The following NINL variants were observed in gnomAD, a reference collection of about 807,000 sequenced individuals.
NINL encodes ninein-like protein.
A neutral mutation model predicts 160.3 loss-of-function variants in NINL; 153 were observed. The observed-to-expected ratio is 0.95, with a 90% CI of 0.84 to 1.09. The LOEUF is 1.09. NINL is among the 50% of genes least tolerant of loss of function. The probability of loss-of-function intolerance (pLI) is 0.00; values close to 1 mark genes in which losing one functional copy is unlikely to be tolerated. For missense variants in NINL, 1,829 were observed against 1,764.0 expected, an observed-to-expected ratio of 1.04 and a Z score of -0.66; for synonymous variants, 800 against 734.8, an observed-to-expected ratio of 1.09 and a Z score of -1.43.
chr20:25,549,316 C>A (rs1389363289), intron 1 of NINL, among the ~76,000 whole-genome samples: 1 of 151,002 alleles, frequency 6.6e-6, no homozygotes, highest in Non-Finnish European at 1.5e-5. Context: ...CTGACCCCAG[C>A]ACACATGGCC....
intron 7 of NINL, among the ~76,000 whole-genome samples, 197 bp downstream of exon 7, chr20:25,503,755 C>T (rs1601169290): frequency 6.6e-6 from 1 of 152,238 alleles, no homozygotes; most frequent in East Asian, 1.9e-4. Flanking sequence ...AAGAGCAACA[C>T]TGGACCCACC....
At chr20:25,521,361 T>C (rs367970409) in intron 2 of NINL, among the ~76,000 whole-genome samples, 1 of 152,246 alleles carries the variant, frequency 6.6e-6, no homozygotes, top group Non-Finnish European at 1.5e-5. Context: ...ATCTCTAATA[T>C]AGTAACCATA....
intron 1 of NINL, among the ~76,000 whole-genome samples, chr20:25,543,241 C>A (rs1318530263): frequency 2.0e-5 from 3 of 151,848 alleles, no homozygotes; most frequent in Non-Finnish European, 4.4e-5. Context: ...TTGCAGGATA[C>A]AAAATCAGCA....
chr20:25,569,654 G>A (rs2065032641), intron 1 of NINL, among the ~76,000 whole-genome samples: 2 of 152,220 alleles, frequency 1.3e-5, no homozygotes, highest in East Asian at 1.9e-4. Context: ...TGTTCTGAGC[G>A]ACACCTGAGA....
intron 14 of NINL, 23 bp from the exon 15 acceptor site, chr20:25,480,290 G>A (rs747394351): frequency 6.9e-5 from 110 of 1,599,378 alleles, no homozygotes; most frequent in Admixed American, 3.5e-4. Flanking sequence ...GGCCACTTCC[G>A]TTTGTCACAC....
intron 21 of NINL, among the ~76,000 whole-genome samples, chr20:25,459,509 T>C (rs1240461746): frequency 6.6e-6 from 1 of 152,070 alleles, no homozygotes; most frequent in Non-Finnish European, 1.5e-5. Flanking sequence ...CTAAATAGCA[T>C]CTCCACCAAA....
chr20:25,538,124 G>T (rs2064593098), intron 1 of NINL, among the ~76,000 whole-genome samples: 1 of 152,182 alleles, frequency 6.6e-6, no homozygotes, highest in Non-Finnish European at 1.5e-5. Context: ...AACGCCACTG[G>T]AAGATGAACA....
intron 1 of NINL, among the ~76,000 whole-genome samples, chr20:25,576,292 C>G (rs997225000): frequency 6.6e-6 from 1 of 152,142 alleles, no homozygotes; most frequent in Non-Finnish European, 1.5e-5. Flanking sequence ...CAATTAGATT[C>G]AAGGGTGGCA....
chr20:25,559,207 A>G (rs1386041936), intron 1 of NINL, among the ~76,000 whole-genome samples: 2 of 152,134 alleles, frequency 1.3e-5, no homozygotes, highest in Non-Finnish European at 2.9e-5. Context: ...GGCTTGGGAT[A>G]AGGCAGTGTG....
At chr20:25,525,532 T>C (rs1382515602) in intron 2 of NINL, among the ~76,000 whole-genome samples, 1 of 152,172 alleles carries the variant, frequency 6.6e-6, no homozygotes, top group Admixed American at 6.5e-5. Context: ...TGCAGGCCTG[T>C]AGTCCCAGCT....
intron 10 of NINL, among the ~76,000 whole-genome samples, chr20:25,492,145 C>G (rs2146698619): frequency 6.6e-6 from 1 of 152,294 alleles, no homozygotes; most frequent in South Asian, 2.1e-4. Context: ...TCTGCAGAAG[C>G]CTGGTGACGC....
chr20:25,523,372 C>T (rs2064297589), intron 2 of NINL, among the ~76,000 whole-genome samples: 1 of 151,974 alleles, frequency 6.6e-6, no homozygotes, highest in South Asian at 2.1e-4. Context: ...CCAGCTCAGC[C>T]TCACAAGTAG....
intron 10 of NINL, among the ~76,000 whole-genome samples, chr20:25,493,935 G>A (rs2063693257): frequency 6.6e-6 from 1 of 152,070 alleles, no homozygotes; most frequent in African/African-American, 2.4e-5. Context: ...TTTGGTTAAA[G>A]GAGACTTGAC....
At chr20:25,551,660 C>G (rs956831714) in intron 1 of NINL, among the ~76,000 whole-genome samples, 1 of 152,204 alleles carries the variant, frequency 6.6e-6, no homozygotes, top group African/African-American at 2.4e-5. Flanking sequence ...GGGAGGCAAA[C>G]GGTTATTCTT....
chr20:25,456,324 G>C (rs1354717938), intron 22 of NINL, among the ~76,000 whole-genome samples: 1 of 149,700 alleles, frequency 6.7e-6, no homozygotes, highest in Non-Finnish European at 1.5e-5. Flanking sequence ...GAGGCGGGCG[G>C]ATTACCTGAG....
chr20:25,527,383 A>C (rs1006130079), intron 1 of NINL, among the ~76,000 whole-genome samples: 1 of 152,100 alleles, frequency 6.6e-6, no homozygotes, highest in Non-Finnish European at 1.5e-5. Flanking sequence ...TGAACTCTTG[A>C]CCTCAAGTGA....
intron 18 of NINL, 144 bp from the exon 19 acceptor site, chr20:25,467,602 C>T (rs2062948799): frequency 5.9e-6 from 4 of 676,406 alleles, no homozygotes; most frequent in Non-Finnish European, 1.1e-5. Flanking sequence ...TCTCCAGCCC[C>T]TCTCAGTCCC....
chr20:25,491,187 G>A (rs868474338), intron 11 of NINL, among the ~76,000 whole-genome samples, 164 bp downstream of exon 11: 24 of 152,346 alleles, frequency 1.6e-4, no homozygotes, highest in African/African-American at 4.8e-4. Flanking sequence ...TGCAGCAAGT[G>A]GGACACCTCC....
intron 1 of NINL, among the ~76,000 whole-genome samples, chr20:25,529,212 A>G (rs2064408429): frequency 1.3e-5 from 2 of 152,136 alleles, no homozygotes; most frequent in African/African-American, 2.4e-5. Flanking sequence ...ATTCAAGGCT[A>G]CAGTGAGCCA....
Sources: gnomAD v4.1 joint callset for allele counts (sites outside exome capture counted in the v4.1 genomes callset) on GRCh38, gnomAD v4.1.1 for gene constraint, MANE v1.5 for transcripts, NCBI Gene and HGNC (gene_info 2026-07-23, HGNC 2026-07-21) for gene names.